EPS8: variants seen among roughly 807,000 people sequenced by gnomAD.
EPS8 encodes the protein EGFR pathway substrate 8, signaling adaptor, also known as epidermal growth factor receptor kinase substrate 8.
A neutral mutation model predicts 103.8 loss-of-function variants in EPS8; 42 were observed. The observed-to-expected ratio is 0.40, with a 90% CI of 0.32 to 0.52. EPS8 has a LOEUF of 0.52. Ranked by LOEUF, EPS8 falls within the 20% of genes least tolerant of loss-of-function variation. EPS8 has a pLI of 0.40. For synonymous variants in EPS8, 344 were observed against 344.6 expected (o/e 1.00, Z 0.02); for missense variants, 969 against 1,005.1 (o/e 0.96, Z 0.49).
At position 15,692,800 on chromosome 12, in the gene EPS8, T is replaced by C. The variant is rs550658315; in HGVS notation, c.-21-9828A>G. ...TTATATTCAAAAAACATTTTGAGTT[T>C]CTTATTTCTTCTATCAGTTCCATTT... is the stretch of plus-strand genomic sequence containing the variant. On this transcript the variant is annotated intron_variant, in intron 1 of 20. Transcript: ENST00000281172. 5.9e-5 allele frequency among the ~76,000 whole-genome samples: 9 copies of C among 152,180 alleles called. No homozygotes were observed. In the South Asian group the frequency reaches 1.9e-3, roughly 32 times the overall value.
chr12:15,698,703 A>C lies in EPS8; in HGVS notation c.-21-15731T>G, dbSNP rs1490283869. Among the ~76,000 whole-genome samples, 1 of 152,150 alleles carries C rather than the reference A, an allele frequency of 6.6e-6. No individual in the cohort carries two copies. The highest frequency in any genetic ancestry group is 1.5e-5 in the Non-Finnish European group (1 of 68,032). On this transcript the variant is annotated intron_variant, in intron 1 of 20. Transcript: ENST00000281172. The surrounding 1 kb of genome is among the most constrained non-coding windows in gnomAD (Gnocchi z 4.9). ...ACTGAGCTGTTCAATTCCAGATCCT[A>C]ACAAAGAAATTTTTCCAGGATGCCA...
Position 15,767,351 on chromosome 12 carries a change from T to C in EPS8, c.-22+21810A>G, listed in dbSNP as rs1334131717. Among the ~76,000 whole-genome samples the C allele has an allele frequency of 1.3e-5, 2 of 152,206 alleles. No individual in the cohort carries two copies. Among genetic ancestry groups the C allele is most frequent in the South Asian group, 2.1e-4 (1 of 4,834 alleles). ...AGGTCTAGTAACTACTGTTCACCAG[T>C]GGAATTTTATGCAGAAAAATGTTTC... On this transcript the variant is annotated intron_variant, in intron 1 of 20. Transcript: ENST00000281172. The surrounding 1 kb of genome is among the most constrained non-coding windows in gnomAD (Gnocchi z 5.5).
In EPS8 at chr12:15,771,533, A is replaced by G. The variant is rs981860935; in HGVS notation, c.-22+17628T>C. 1.3e-5 allele frequency among the ~76,000 whole-genome samples: 2 copies of G among 152,108 alleles called. No individual in the cohort carries two copies. Among genetic ancestry groups the G allele is most frequent in the Admixed American group, 1.3e-4 (2 of 15,274 alleles). ...GTCATATAGCCTTGAAACAGTGAAA[A>G]ACTGAACAGAAGGGGCAAAGGCGAG... On this transcript the variant is annotated intron_variant, in intron 1 of 20. Transcript: ENST00000281172. This position sits in a 1 kb window ranked among gnomAD's most constrained non-coding sequence, Gnocchi z 4.6.
At chr12:15,657,959 T>C (rs1260108615) in intron 12 of EPS8, 120 bp downstream of exon 12, 4 of 657,528 alleles carry the variant, frequency 6.1e-6, no homozygotes, top group Non-Finnish European at 1.1e-5. Context: ...TTTACACAAA[T>C]GGCAAAGAAA....
intron 3 of EPS8, among the ~76,000 whole-genome samples, chr12:15,679,576 G>A (rs574337795): frequency 2.0e-5 from 3 of 152,174 alleles, no homozygotes; most frequent in Admixed American, 1.3e-4. Context: ...AGCATCCTCC[G>A]ACCCCTGAAA....
Position 15,721,332 on chromosome 12 carries a change from T to A in EPS8, c.-21-38360A>T, listed in dbSNP as rs542843508. 6.6e-6 allele frequency among the ~76,000 whole-genome samples: 1 copy of A among 152,152 alleles called. No individual in the cohort carries two copies. The highest frequency in any genetic ancestry group is 2.4e-5 in the African/African-American group (1 of 41,446). ...AACACACACCAAATAGATTTTTTAA[T>A]TGACAAATAAAACCAAATAGATTTT... On this transcript the variant is annotated intron_variant, in intron 1 of 20. Coordinates refer to ENST00000281172, the MANE Select transcript of EPS8 (RefSeq NM_004447.6). This position sits in a 1 kb window ranked among gnomAD's most constrained non-coding sequence, Gnocchi z 4.4.
rs1476479043 is a variant in EPS8 at position 15,731,591 on chromosome 12, C to T, written c.-21-48619G>A. Among the ~76,000 whole-genome samples, 3 of 152,220 alleles carry T rather than the reference C, an allele frequency of 2.0e-5. No homozygotes were observed. The highest frequency in any genetic ancestry group is 1.9e-4 in the East Asian group (1 of 5,196). ...GGGATTATAGGCATGAGCCACCATG[C>T]CTGGCCTTAATTGACTTTTAATTGG... On this transcript the variant is annotated intron_variant, in intron 1 of 20. Coordinates refer to ENST00000281172, the MANE Select transcript of EPS8 (RefSeq NM_004447.6). This position sits in a 1 kb window ranked among gnomAD's most constrained non-coding sequence, Gnocchi z 5.1.
Position 15,700,484 on chromosome 12 carries a change from C to T in EPS8, c.-21-17512G>A, listed in dbSNP as rs1306258981. ...ACATAACTGGTCACCTGACTCCACTCCTTTCTGAAGCAAAATTGGTGTGAA... is the reference window on the plus strand; with the variant it reads ...ACATAACTGGTCACCTGACTCCACTTCTTTCTGAAGCAAAATTGGTGTGAA... On this transcript the variant is annotated intron_variant, in intron 1 of 20. Coordinates refer to ENST00000281172, the MANE Select transcript of EPS8 (RefSeq NM_004447.6). This position sits in a 1 kb window ranked among gnomAD's most constrained non-coding sequence, Gnocchi z 5.1. Among the ~76,000 whole-genome samples, 1 of 152,286 alleles carries T rather than the reference C, an allele frequency of 6.6e-6. No individual in the cohort carries two copies. The highest frequency in any genetic ancestry group is 2.4e-5 in the African/African-American group (1 of 41,572).
intron 1 of EPS8, among the ~76,000 whole-genome samples, chr12:15,788,358 C>A (rs1947330894): frequency 6.6e-6 from 1 of 152,164 alleles, no homozygotes; most frequent in South Asian, 2.1e-4. Context: ...ATCCTAACCA[C>A]GGCGTCCTGC....
intron 1 of EPS8, among the ~76,000 whole-genome samples, chr12:15,712,318 G>T (rs2135961444): frequency 6.6e-6 from 1 of 152,090 alleles, no homozygotes; most frequent in East Asian, 1.9e-4. Context: ...AAATTTGGCA[G>T]TGTTAAATCT....
At position 15,752,616 on chromosome 12, in the gene EPS8, A is replaced by G. The variant is rs143846258; in HGVS notation, c.-22+36545T>C. 3.0e-3 allele frequency among the ~76,000 whole-genome samples: 450 copies of G among 152,032 alleles called. 2 individuals carry two copies. The highest frequency in any genetic ancestry group is 0.01 in the African/African-American group (432 of 41,458). On this transcript the variant is annotated intron_variant, in intron 1 of 20. Coordinates refer to ENST00000281172, the MANE Select transcript of EPS8 (RefSeq NM_004447.6). This position sits in a 1 kb window ranked among gnomAD's most constrained non-coding sequence, Gnocchi z 4.4. ...ATATTGAGCCCCCAAATTATCTGAG[A>G]AAAAAAAGTCTTTATAATTGTAATA... is the stretch of plus-strand genomic sequence containing the variant.
chr12:15,720,294 TG>T (rs1487548761), intron 1 of EPS8, among the ~76,000 whole-genome samples: 2 of 152,160 alleles, frequency 1.3e-5, no homozygotes, highest in African/African-American at 4.8e-5. Context: ...AGATAACACT[TG>T]GGATCAGATG....
chr12:15,719,232 T>C (rs1307516204), intron 1 of EPS8, among the ~76,000 whole-genome samples: 1 of 151,992 alleles, frequency 6.6e-6, no homozygotes, highest in African/African-American at 2.4e-5. Flanking sequence ...CATACATACA[T>C]ACTTACATAT....
intron 17 of EPS8, among the ~76,000 whole-genome samples, chr12:15,637,596 ATCTGTGAATGTTGTTT>A (rs1351464343): frequency 1.3e-5 from 2 of 152,246 alleles, no homozygotes; most frequent in Non-Finnish European, 2.9e-5. Context: ...AGAGAGGAGT[ATCTGTGAATGTTGTTT>A]TCTGTGAATG....
At chr12:15,694,413 T>C (rs187519698) in intron 1 of EPS8, among the ~76,000 whole-genome samples, 3 of 152,300 alleles carry the variant, frequency 2.0e-5, no homozygotes, top group South Asian at 4.1e-4. Flanking sequence ...CGCTAAAGCA[T>C]GGACGTGAGG....
chr12:15,628,460 C>T (rs540772356), intron 18 of EPS8, among the ~76,000 whole-genome samples: 2 of 152,238 alleles, frequency 1.3e-5, no homozygotes, highest in South Asian at 4.2e-4. Context: ...TCTAAAGTAA[C>T]ACTCTGATTA....
Position 15,641,815 on chromosome 12 carries a change from G to A in EPS8, c.1584C>T (p.Leu528=). ...NRHIDRNYEP[L]KTQPKKYAKS... Reference sequence around the variant, plus strand: ...TGGCATATTTCTTGGGTTGTGTTTTGAGTGGTTCATAATTTCTATAAAAAG... The same window carrying A: ...TGGCATATTTCTTGGGTTGTGTTTTAAGTGGTTCATAATTTCTATAAAAAG... The change falls in exon 16 of 21, where the codon CTC becomes CTT. Residue 528 remains leucine, a synonymous_variant. Transcript: ENST00000281172. The A allele has an allele frequency of 6.4e-7, 1 of 1,571,972 alleles. No homozygotes were observed. Among genetic ancestry groups the A allele is most frequent in the South Asian group, 1.2e-5 (1 of 86,316 alleles).
rs780759733 is a variant in EPS8, at chr12:15,665,903, T to C, written c.600-11A>G. 1.8e-5 allele frequency: 29 copies of C among 1,612,596 alleles called. No homozygotes were observed. Among genetic ancestry groups the C allele is most frequent in the Non-Finnish European group, 2.4e-5 (28 of 1,179,456 alleles). On this transcript the variant is annotated splice_polypyrimidine_tract_variant and intron_variant, in intron 7 of 20. Transcript: ENST00000281172. ...GCATTGGAAATCATCCTTAAAAAGA[T>C]GAAAACAAATAGAATTTTTACCATC...
chr12:15,781,520 G>A lies in EPS8; in HGVS notation c.-22+7641C>T, dbSNP rs1470026448. On this transcript the variant is annotated intron_variant, in intron 1 of 20. Coordinates refer to ENST00000281172, the MANE Select transcript of EPS8 (RefSeq NM_004447.6). The surrounding 1 kb of genome is among the most constrained non-coding windows in gnomAD (Gnocchi z 4.1). Reference sequence around the variant, plus strand: ...TGAGATAAAGAAGCATGCCTTAAAGGGCTCTTGTAACAGTGAAAGAAGATA... The same window carrying A: ...TGAGATAAAGAAGCATGCCTTAAAGAGCTCTTGTAACAGTGAAAGAAGATA... 6.6e-6 allele frequency among the ~76,000 whole-genome samples: 1 copy of A among 152,072 alleles called. No individual in the cohort carries two copies. Among genetic ancestry groups the A allele is most frequent in the Non-Finnish European group, 1.5e-5 (1 of 68,034 alleles).
Sources: gnomAD v4.1 joint callset for allele counts (sites outside exome capture counted in the v4.1 genomes callset) on GRCh38, gnomAD v4.1.1 for gene constraint, Gnocchi (gnomAD v3.1) non-coding constraint, MANE v1.5 for transcripts, NCBI Gene and HGNC (gene_info 2026-07-23, HGNC 2026-07-21) for gene names.